The following RORA variants were observed in gnomAD, a reference collection of about 807,000 sequenced individuals.
RORA encodes nuclear receptor ROR-alpha.
A neutral mutation model predicts 69.5 loss-of-function variants in RORA; 7 were observed. The ratio of observed to expected loss-of-function variants is 0.10; its 90% CI spans 0.06 to 0.19. RORA has a LOEUF of 0.19. Among genes scored for constraint, RORA ranks in the 10% least tolerant of loss-of-function variants. RORA has a pLI of 1.00. For synonymous variants in RORA, 261 were observed against 240.8 expected (o/e 1.08, Z -0.78); for missense variants, 457 against 663.0 (o/e 0.69, Z 3.41).
chr15:60,902,208 T>C (rs538255093), intron 1 of RORA, among the ~76,000 whole-genome samples: 1 of 152,348 alleles, frequency 6.6e-6, no homozygotes, highest in East Asian at 1.9e-4. Context: ...TGTAGTGTCA[T>C]ATGGTCACCA....
chr15:60,946,393 G>A (rs182855855), intron 1 of RORA, among the ~76,000 whole-genome samples: 25 of 152,134 alleles, frequency 1.6e-4, no homozygotes, highest in Admixed American at 6.5e-5. Flanking sequence ...TCAGCCTGCC[G>A]AGTGCCTGCG....
intron 2 of RORA, among the ~76,000 whole-genome samples, chr15:60,561,473 G>T (rs1360126143): frequency 6.6e-6 from 1 of 152,220 alleles, no homozygotes; most frequent in Admixed American, 6.5e-5. Context: ...ATAAAAAAAA[G>T]TTAAACTCTT....
chr15:60,964,605 G>T (rs986952734), intron 1 of RORA, among the ~76,000 whole-genome samples: 8 of 151,814 alleles, frequency 5.3e-5, no homozygotes, highest in African/African-American at 1.9e-4. Context: ...AGTGTAGGGA[G>T]GGCAGTGCTG....
intron 1 of RORA, among the ~76,000 whole-genome samples, chr15:60,934,466 G>GTTT (rs141631462): frequency 0.07 from 6,361 of 91,376 alleles, 457 homozygotes; most frequent in African/African-American, 0.22. Context: ...AGGCCCAAGA[G>GTTT]TTTGTTGTTG....
chr15:61,214,622 A>C (rs2080021455), intron 1 of RORA, among the ~76,000 whole-genome samples: 1 of 152,178 alleles, frequency 6.6e-6, no homozygotes, highest in Non-Finnish European at 1.5e-5. Context: ...GAGAGATGGG[A>C]GGCCATCAGT....
chr15:60,515,777 T>C (rs1329394275), intron 3 of RORA, among the ~76,000 whole-genome samples: 2 of 147,578 alleles, frequency 1.4e-5, no homozygotes, highest in Non-Finnish European at 3.0e-5. Flanking sequence ...GGTCTTGCTC[T>C]GTCACCCAGG....
intron 2 of RORA, among the ~76,000 whole-genome samples, chr15:60,670,334 C>T (rs1013054968): frequency 1.3e-5 from 2 of 151,926 alleles, no homozygotes; most frequent in African/African-American, 4.8e-5. Flanking sequence ...CTCAGCCTCC[C>T]TAGTAGCTGG....
At chr15:61,197,732 G>A (rs1049661144) in intron 1 of RORA, among the ~76,000 whole-genome samples, 38 of 152,118 alleles carry the variant, frequency 2.5e-4, no homozygotes, top group African/African-American at 8.2e-4. Context: ...AACTCATTAC[G>A]AAACAGGTTT....
chr15:60,987,574 A>T (rs1894243971), intron 1 of RORA, among the ~76,000 whole-genome samples: 1 of 152,244 alleles, frequency 6.6e-6, no homozygotes, highest in African/African-American at 2.4e-5. Context: ...ATTAATACCA[A>T]AAACCTGAGA....
intron 1 of RORA, among the ~76,000 whole-genome samples, chr15:60,876,397 A>T (rs1258204538): frequency 6.6e-6 from 1 of 151,174 alleles, no homozygotes; most frequent in African/African-American, 2.4e-5. Context: ...CTGACTTGAG[A>T]CATCTGGGCC....
intron 2 of RORA, chr15:60,558,191 G>T: frequency 6.8e-7 from 1 of 1,467,188 alleles, no homozygotes; most frequent in East Asian, 2.3e-5. Context: ...TCTCTGGATG[G>T]AGGACAGGTC....
chr15:61,167,518 T>A (rs1596041131), intron 1 of RORA, among the ~76,000 whole-genome samples: 2 of 104,706 alleles, frequency 1.9e-5, no homozygotes, highest in East Asian at 5.0e-4. Flanking sequence ...TTTTTTTTTT[T>A]TTTTATGAAG....
intron 1 of RORA, among the ~76,000 whole-genome samples, chr15:61,013,411 T>C (rs1895154850): frequency 6.6e-6 from 1 of 152,200 alleles, no homozygotes; most frequent in African/African-American, 2.4e-5. Context: ...TGACTTCTGC[T>C]CCGGATGACT....
chr15:60,690,630 G>A (rs1022472199), intron 1 of RORA, among the ~76,000 whole-genome samples: 2 of 152,222 alleles, frequency 1.3e-5, no homozygotes, highest in African/African-American at 4.8e-5. Flanking sequence ...GAAATAACTA[G>A]TTTATAGATT....
chr15:61,096,989 TAAAA>T (rs1365809756), intron 1 of RORA, among the ~76,000 whole-genome samples: 7 of 152,030 alleles, frequency 4.6e-5, no homozygotes, highest in African/African-American at 1.4e-4. Context: ...ATACAAAAAA[TAAAA>T]AATAGTGAGT....
intron 1 of RORA, among the ~76,000 whole-genome samples, chr15:61,007,715 G>A (rs1411701696): frequency 1.3e-5 from 2 of 148,424 alleles, no homozygotes; most frequent in Non-Finnish European, 3.0e-5. Flanking sequence ...ATGTTATATA[G>A]GCTAATATTA....
At chr15:61,168,122 T>C (rs1168801890) in intron 1 of RORA, among the ~76,000 whole-genome samples, 1 of 150,254 alleles carries the variant, frequency 6.7e-6, no homozygotes, top group Admixed American at 6.7e-5. Flanking sequence ...ATAATATATA[T>C]TAAAAACATA....
intron 2 of RORA, chr15:60,558,370 G>T: frequency 9.6e-7 from 1 of 1,042,156 alleles, no homozygotes; most frequent in Non-Finnish European, 1.5e-6. Flanking sequence ...GTTGGCCACT[G>T]CCTTGTTTAT....
At chr15:61,028,395 T>C (rs1895944535) in intron 1 of RORA, among the ~76,000 whole-genome samples, 1 of 152,088 alleles carries the variant, frequency 6.6e-6, no homozygotes, top group Non-Finnish European at 1.5e-5. Flanking sequence ...CCAGAAACAA[T>C]CTGGTTTTAA....
Sources: allele counts gnomAD v4.1 joint callset (sites outside exome capture counted in the v4.1 genomes callset), GRCh38; gene constraint gnomAD v4.1.1; transcripts MANE v1.5; gene names NCBI Gene and HGNC (gene_info 2026-07-23, HGNC 2026-07-21).